The following AUTS2 variants were observed in gnomAD, a reference collection of about 807,000 sequenced individuals.
The protein encoded by AUTS2 is activator of transcription and developmental regulator AUTS2.
AUTS2 carries 17 observed loss-of-function variants against 112.4 expected under a neutral mutation model. That is an observed-to-expected ratio of 0.15 (90% confidence interval 0.10 to 0.23). The LOEUF (loss-of-function observed/expected upper bound fraction) is 0.23, where lower values mean the gene tolerates loss of function less well. Ranked by LOEUF, AUTS2 falls within the 10% of genes least tolerant of loss-of-function variation. The pLI is 1.00. For synonymous variants in AUTS2, 751 were observed against 702.7 expected (o/e 1.07, Z -1.09); for missense variants, 1,510 against 1,701.6 (o/e 0.89, Z 1.98).
intron 4 of AUTS2, among the ~76,000 whole-genome samples, chr7:70,208,011 CAAAAAAAA>C (rs61267230): frequency 1.2e-4 from 6 of 48,052 alleles, no homozygotes; most frequent in Admixed American, 9.3e-4. Context: ...AACTCCATCT[CAAAAAAAA>C]AAAAAAAAAA....
At chr7:69,731,648 A>T (rs1241764404) in intron 1 of AUTS2, among the ~76,000 whole-genome samples, 7 of 152,202 alleles carry the variant, frequency 4.6e-5, no homozygotes, top group African/African-American at 1.7e-4. Context: ...AATGTTCCAT[A>T]GGCTTTTTAT....
At chr7:69,646,863 G>A (rs899377534) in intron 1 of AUTS2, among the ~76,000 whole-genome samples, 3 of 152,172 alleles carry the variant, frequency 2.0e-5, no homozygotes, top group Admixed American at 6.5e-5. Flanking sequence ...GAGGCAGGCG[G>A]ATCACGAGAT....
chr7:70,508,161 G>T (rs1168579726), intron 5 of AUTS2, among the ~76,000 whole-genome samples: 1 of 150,036 alleles, frequency 6.7e-6, no homozygotes, highest in African/African-American at 2.5e-5. Flanking sequence ...GCTTTTTTTT[G>T]TTGTTGTTAT....
chr7:70,073,510 C>CAAAAAAAAA (rs778228658), intron 2 of AUTS2, among the ~76,000 whole-genome samples: 1 of 65,212 alleles, frequency 1.5e-5, no homozygotes. Flanking sequence ...GACCTCATCT[C>CAAAAAAAAA]AAAAAAAAAA....
intron 5 of AUTS2, among the ~76,000 whole-genome samples, chr7:70,651,559 A>G (rs1806508659): frequency 6.6e-6 from 1 of 152,198 alleles, no homozygotes; most frequent in African/African-American, 2.4e-5. Context: ...ATCAACTAAC[A>G]TAAGCCTGTT....
At chr7:70,186,044 G>A (rs1432882864) in intron 4 of AUTS2, among the ~76,000 whole-genome samples, 1 of 152,158 alleles carries the variant, frequency 6.6e-6, no homozygotes, top group Non-Finnish European at 1.5e-5. Flanking sequence ...GTGTGGCCTG[G>A]AGCTTACCAA....
intron 2 of AUTS2, among the ~76,000 whole-genome samples, chr7:70,072,605 A>G (rs964563481): frequency 3.9e-5 from 6 of 152,214 alleles, no homozygotes; most frequent in Non-Finnish European, 8.8e-5. Flanking sequence ...AGAGGATTCT[A>G]TCTTTCCTAG....
intron 14 of AUTS2, among the ~76,000 whole-genome samples, chr7:70,781,088 C>T (rs375367711): frequency 6.6e-6 from 1 of 152,064 alleles, no homozygotes; most frequent in Admixed American, 6.5e-5. Flanking sequence ...TAGCTGGGTG[C>T]GGTGGCTCAC....
intron 1 of AUTS2, among the ~76,000 whole-genome samples, chr7:69,739,653 C>T (rs1787180977): frequency 6.6e-6 from 1 of 152,312 alleles, no homozygotes; most frequent in South Asian, 2.1e-4. Context: ...AAAAATCTCC[C>T]ACCCACCTCA....
intron 4 of AUTS2, among the ~76,000 whole-genome samples, chr7:70,361,624 C>T (rs1792272049): frequency 6.6e-6 from 1 of 151,996 alleles, no homozygotes; most frequent in African/African-American, 2.4e-5. Context: ...TAGCAGCACC[C>T]CAAAAGTGCT....
At chr7:70,501,341 C>T (rs1347826833) in intron 5 of AUTS2, among the ~76,000 whole-genome samples, 1 of 152,114 alleles carries the variant, frequency 6.6e-6, no homozygotes, top group Non-Finnish European at 1.5e-5. Flanking sequence ...ACTGTGAGTC[C>T]TTGTGGAAAC....
chr7:70,645,531 C>T (rs1279259715), intron 5 of AUTS2, among the ~76,000 whole-genome samples: 1 of 152,064 alleles, frequency 6.6e-6, no homozygotes, highest in Non-Finnish European at 1.5e-5. Flanking sequence ...TCACATTTTC[C>T]AGCTAAGTGT....
At chr7:70,504,337 G>C (rs77039158) in intron 5 of AUTS2, among the ~76,000 whole-genome samples, 1 of 151,648 alleles carries the variant, frequency 6.6e-6, no homozygotes, top group African/African-American at 2.4e-5. Context: ...TCACACCTTT[G>C]CCACACAATC....
chr7:69,642,995 G>A (rs1794858719), intron 1 of AUTS2, among the ~76,000 whole-genome samples: 1 of 152,088 alleles, frequency 6.6e-6, no homozygotes, highest in African/African-American at 2.4e-5. Context: ...TCCTGGGCTG[G>A]GGTCTCACTT....
intron 1 of AUTS2, among the ~76,000 whole-genome samples, chr7:69,880,654 G>A (rs894493787): frequency 2.0e-5 from 3 of 152,152 alleles, no homozygotes; most frequent in African/African-American, 7.2e-5. Context: ...GAGCCTTTTC[G>A]AAGCGGGAAA....
chr7:70,173,033 G>A (rs959440656), intron 4 of AUTS2, among the ~76,000 whole-genome samples: 1 of 152,170 alleles, frequency 6.6e-6, no homozygotes, highest in Non-Finnish European at 1.5e-5. Flanking sequence ...TGTCTGTGGG[G>A]TTTCAATTTC....
At chr7:69,642,773 G>A (rs1213599716) in intron 1 of AUTS2, among the ~76,000 whole-genome samples, 1 of 152,024 alleles carries the variant, frequency 6.6e-6, no homozygotes, top group Non-Finnish European at 1.5e-5. Context: ...GGCAATTATT[G>A]ATTTGTGAGG....
chr7:70,084,690 C>T (rs1437866323), intron 2 of AUTS2, among the ~76,000 whole-genome samples: 1 of 152,010 alleles, frequency 6.6e-6, no homozygotes, highest in African/African-American at 2.4e-5. Flanking sequence ...TTGGTGAATT[C>T]TGTTTATATC....
chr7:70,044,259 C>A (rs1801401377), intron 2 of AUTS2, among the ~76,000 whole-genome samples: 1 of 152,188 alleles, frequency 6.6e-6, no homozygotes, highest in Non-Finnish European at 1.5e-5. Flanking sequence ...CAGGCTGCTT[C>A]CATAAATCAA....
Sources: gnomAD v4.1 joint callset for allele counts (sites outside exome capture counted in the v4.1 genomes callset) on GRCh38, gnomAD v4.1.1 for gene constraint, MANE v1.5 for transcripts, NCBI Gene and HGNC (gene_info 2026-07-23, HGNC 2026-07-21) for gene names.